The following CCDC30 variants were observed in gnomAD, a reference collection of about 807,000 sequenced individuals.
The protein encoded by CCDC30 is coiled-coil domain-containing protein 30.
A neutral mutation model predicts 100.2 loss-of-function variants in CCDC30; 70 were observed. The observed-to-expected ratio is 0.70, with a 90% CI of 0.58 to 0.85. The LOEUF (loss-of-function observed/expected upper bound fraction) is 0.85, where lower values mean the gene tolerates loss of function less well. Among genes scored for constraint, CCDC30 ranks in the 40% least tolerant of loss-of-function variants. The pLI, the probability that CCDC30 is intolerant of heterozygous loss-of-function variation, is 0.00. For missense variants in CCDC30, 652 were observed against 771.2 expected (o/e 0.85, Z 1.83); for synonymous variants, 233 against 269.5 (o/e 0.86, Z 1.33).
intron 6 of CCDC30, 67 bp from the exon 10 acceptor site, chr1:42,556,089 T>C (rs1645362390): frequency 1.4e-6 from 2 of 1,460,106 alleles, no homozygotes; most frequent in South Asian, 1.3e-5. Flanking sequence ...GACTTGTAGC[T>C]TTTTTTTCCC....
At chr1:42,457,004 G>A in the CCDC30 span, 2 of 1,602,222 alleles carry the variant, frequency 1.2e-6, no homozygotes, top group Non-Finnish European at 1.7e-6. Flanking sequence ...CTTCCTGGCA[G>A]TAGAGTTCAC....
chr1:42,507,619 T>G (rs1644415350), intron 6 of CCDC30, among the ~76,000 whole-genome samples: 2 of 152,386 alleles, frequency 1.3e-5, no homozygotes, highest in South Asian at 4.1e-4. Flanking sequence ...CTATTTTTAG[T>G]AGTCAAAATT....
At chr1:42,506,986 G>A (rs1644404592) in intron 6 of CCDC30, among the ~76,000 whole-genome samples, 1 of 152,168 alleles carries the variant, frequency 6.6e-6, no homozygotes, top group Non-Finnish European at 1.5e-5. Flanking sequence ...GAGTGCAATG[G>A]TGCAATCTCA....
chr1:42,545,302 A>G, intron 6 of CCDC30, 108 bp from the exon 9 acceptor site: 1 of 803,396 alleles, frequency 1.2e-6, no homozygotes, highest in Non-Finnish European at 1.8e-6. Flanking sequence ...GTCATTTTAT[A>G]TTATATAAGC....
At chr1:42,571,378 G>T (rs1301773369) in intron 7 of CCDC30, 1 of 151,658 alleles carries the variant, frequency 6.6e-6, no homozygotes, top group East Asian at 1.9e-4. Context: ...AAACTTCTAG[G>T]CTTTCTAAAA....
chr1:42,568,775 CA>C (rs113277866), intron 7 of CCDC30, among the ~76,000 whole-genome samples: 16,974 of 116,754 alleles, frequency 0.15, 1,089 homozygotes, highest in East Asian at 0.3. Context: ...ACTAAAAGTC[CA>C]AAAAAAAAAA....
In CCDC30 at chr1:42,596,658, C is replaced by T. The variant is rs1646294135; in HGVS notation, c.1164+7175C>T. ...ACTTCACCACCACATCACTAACGGC[C>T]CATTTAACAGCAGTTTCCTCTACTC... is the stretch of plus-strand genomic sequence containing the variant. On this transcript the variant is annotated intron_variant, in intron 10 of 16. Coordinates refer to ENST00000668663, the Ensembl canonical transcript of CCDC30. This position sits in a 1 kb window ranked among gnomAD's most constrained non-coding sequence, Gnocchi z 4.3. Among the ~76,000 whole-genome samples the T allele has an allele frequency of 6.6e-6, 1 of 152,030 alleles. No homozygotes were observed. The highest frequency in any genetic ancestry group is 2.4e-5 in the African/African-American group (1 of 41,392).
chr1:42,616,428 T>G (rs1033286442), intron 11 of CCDC30, among the ~76,000 whole-genome samples: 3 of 152,214 alleles, frequency 2.0e-5, no homozygotes, highest in Admixed American at 6.5e-5. Context: ...GGTTGAAAAC[T>G]ATATTTAGGA....
intron 1 of CCDC30, among the ~76,000 whole-genome samples, chr1:42,475,301 C>T (rs1643870632): frequency 6.6e-6 from 1 of 151,984 alleles, no homozygotes; most frequent in African/African-American, 2.4e-5. Context: ...ACTTCCCGGA[C>T]CTTTAATATG....
intron 6 of CCDC30, among the ~76,000 whole-genome samples, chr1:42,507,536 A>T (rs1184021833): frequency 6.6e-6 from 1 of 152,232 alleles, no homozygotes; most frequent in Non-Finnish European, 1.5e-5. Flanking sequence ...GGTAAAATTT[A>T]CATTTCCATA....
chr1:42,621,979 A>T (rs1375432358), intron 11 of CCDC30, among the ~76,000 whole-genome samples: 1 of 152,122 alleles, frequency 6.6e-6, no homozygotes, highest in African/African-American at 2.4e-5. Context: ...TGTACAATCT[A>T]AAAAAATGTA....
chr1:42,601,450 C>T (rs1035930416), intron 10 of CCDC30, among the ~76,000 whole-genome samples: 4 of 152,162 alleles, frequency 2.6e-5, no homozygotes, highest in African/African-American at 4.8e-5. Flanking sequence ...CTGTTCTGCA[C>T]CACCATGCTG....
the CCDC30 span, chr1:42,456,769 C>T: frequency 6.2e-7 from 1 of 1,612,542 alleles, no homozygotes; most frequent in Non-Finnish European, 8.5e-7. Context: ...GCGGTGCAAC[C>T]TCGGCCGAGG....
intron 11 of CCDC30, among the ~76,000 whole-genome samples, chr1:42,628,617 C>T (rs1246204518): frequency 2.0e-5 from 3 of 152,124 alleles, no homozygotes; most frequent in Non-Finnish European, 4.4e-5. Context: ...GTGCTATTCT[C>T]GTGATAGTGA....
chr1:42,585,193 C>T lies in CCDC30; in HGVS notation c.1001+3679C>T, dbSNP rs111543721. On this transcript the variant is annotated intron_variant, in intron 9 of 16. Transcript: ENST00000668663. Reference sequence around the variant, plus strand: ...TGTAGGCAGAATTGTTCATAATACTCCTTTATTATCCTTTTAATGTCCATG... The same window carrying T: ...TGTAGGCAGAATTGTTCATAATACTTCTTTATTATCCTTTTAATGTCCATG... Among the ~76,000 whole-genome samples, 946 of 152,188 alleles carry T rather than the reference C, an allele frequency of 6.2e-3. 6 individuals carry two copies. The highest frequency in any genetic ancestry group is 0.021 in the African/African-American group (883 of 41,524).
At chr1:42,573,848 A>G (rs570171654) in intron 7 of CCDC30, among the ~76,000 whole-genome samples, 1 of 152,184 alleles carries the variant, frequency 6.6e-6, no homozygotes, top group Non-Finnish European at 1.5e-5. Context: ...AATTTCATAA[A>G]TTTTTTTCTG....
intron 16 of CCDC30, among the ~76,000 whole-genome samples, 160 bp downstream of exon 20, chr1:42,653,603 A>G (rs552429197): frequency 8.5e-5 from 13 of 152,122 alleles, no homozygotes; most frequent in Non-Finnish European, 1.9e-4. Context: ...TCTTCTTCCA[A>G]TTCCTCCCCT....
At chr1:42,645,195 G>T (rs1351279686) in intron 14 of CCDC30, among the ~76,000 whole-genome samples, 2 of 152,020 alleles carry the variant, frequency 1.3e-5, no homozygotes, top group Admixed American at 6.6e-5. Context: ...ATTTGAGAAT[G>T]AATAAATATT....
At chr1:42,600,973 T>C (rs1299198781) in intron 10 of CCDC30, among the ~76,000 whole-genome samples, 2 of 152,084 alleles carry the variant, frequency 1.3e-5, no homozygotes. Flanking sequence ...GTATAGCTTG[T>C]GGAACTGCAA....
Sources: allele counts gnomAD v4.1 joint callset (sites outside exome capture counted in the v4.1 genomes callset), GRCh38; gene constraint gnomAD v4.1.1; non-coding constraint Gnocchi (gnomAD v3.1); transcripts MANE v1.5; gene names NCBI Gene and HGNC (gene_info 2026-07-23, HGNC 2026-07-21).